The following STAU2 variants were observed in gnomAD, a reference collection of about 807,000 sequenced individuals.
STAU2 encodes the protein staufen double-stranded RNA binding protein 2.
STAU2 carries 20 observed loss-of-function variants against 65.9 expected under a neutral mutation model. The observed-to-expected ratio is 0.30, with a 90% CI of 0.21 to 0.44. The LOEUF is 0.44. Ranked by LOEUF, STAU2 falls within the 20% of genes least tolerant of loss-of-function variation. STAU2 has a pLI of 1.00. For missense variants in STAU2, 558 were observed against 683.9 expected (o/e 0.82, Z 2.05); for synonymous variants, 232 against 233.9 (o/e 0.99, Z 0.07).
chr8:73,602,246 C>T (rs181535879), intron 10 of STAU2, among the ~76,000 whole-genome samples: 20 of 152,290 alleles, frequency 1.3e-4, no homozygotes, highest in Non-Finnish European at 5.9e-5. Flanking sequence ...GGAGGGAAGG[C>T]ACAACTTAGC....
chr8:73,713,337 G>A (rs971424092), intron 3 of STAU2, among the ~76,000 whole-genome samples: 1 of 152,140 alleles, frequency 6.6e-6, no homozygotes, highest in Admixed American at 6.5e-5. Context: ...CACAGCAACT[G>A]TGTTCAAGTC....
At chr8:73,635,952 C>A (rs61414848) in intron 6 of STAU2, among the ~76,000 whole-genome samples, 20,968 of 80,012 alleles carry the variant, frequency 0.26, 1,867 homozygotes, top group Non-Finnish European at 0.34. Context: ...ACACACACAC[C>A]CCTGGAACCA....
intron 3 of STAU2, among the ~76,000 whole-genome samples, chr8:73,727,332 A>C: frequency 6.6e-6 from 1 of 152,226 alleles, no homozygotes; most frequent in Non-Finnish European, 1.5e-5. Context: ...AAACACTGTT[A>C]TGACCCCAAA....
chr8:73,686,298 C>A (rs1483055245), intron 5 of STAU2, among the ~76,000 whole-genome samples: 2 of 152,138 alleles, frequency 1.3e-5, no homozygotes, highest in Non-Finnish European at 2.9e-5. Context: ...CACCTGTAAT[C>A]CCAGCACTTT....
intron 12 of STAU2, among the ~76,000 whole-genome samples, chr8:73,562,482 AAGAT>A (rs1448644493): frequency 1.3e-5 from 2 of 152,204 alleles, no homozygotes; most frequent in African/African-American, 2.4e-5. Flanking sequence ...CTCTTTAAAA[AAGAT>A]AGAGAGAGAG....
At chr8:73,609,417 G>C (rs1812277411) in intron 9 of STAU2, among the ~76,000 whole-genome samples, 1 of 152,232 alleles carries the variant, frequency 6.6e-6, no homozygotes, top group East Asian at 1.9e-4. Flanking sequence ...ACTTTGGGAG[G>C]CCGAGGCAGG....
chr8:73,587,673 AT>A (rs1563441328), intron 11 of STAU2, among the ~76,000 whole-genome samples: 3 of 152,174 alleles, frequency 2.0e-5, no homozygotes, highest in Admixed American at 2.0e-4. Context: ...AGTACATTTA[AT>A]TTTTTTACTT....
intron 6 of STAU2, among the ~76,000 whole-genome samples, chr8:73,659,858 TTAA>T (rs1816696965): frequency 6.6e-6 from 1 of 152,196 alleles, no homozygotes; most frequent in African/African-American, 2.4e-5. Flanking sequence ...GAATTCAGTA[TTAA>T]TCAGATTTAA....
chr8:73,606,953 G>C (rs1020414575), intron 9 of STAU2, among the ~76,000 whole-genome samples: 2 of 151,934 alleles, frequency 1.3e-5, no homozygotes, highest in Non-Finnish European at 2.9e-5. Flanking sequence ...AATTATGCTG[G>C]GTTAAAGAAG....
intron 13 of STAU2, among the ~76,000 whole-genome samples, chr8:73,450,803 T>G (rs1316141912): frequency 1.3e-5 from 2 of 152,064 alleles, no homozygotes; most frequent in African/African-American, 4.8e-5. Flanking sequence ...GTCACACAAG[T>G]GTGTGTGCTG....
chr8:73,646,567 G>C (rs2130176718), intron 6 of STAU2, among the ~76,000 whole-genome samples: 1 of 152,216 alleles, frequency 6.6e-6, no homozygotes, highest in East Asian at 1.9e-4. Flanking sequence ...CATGACACCT[G>C]ATAAAAAGAA....
At chr8:73,579,433 G>A (rs1809825404) in intron 12 of STAU2, among the ~76,000 whole-genome samples, 1 of 152,112 alleles carries the variant, frequency 6.6e-6, no homozygotes, top group Non-Finnish European at 1.5e-5. Context: ...CTATGAACCT[G>A]CTTTTAAGTA....
intron 10 of STAU2, among the ~76,000 whole-genome samples, chr8:73,597,428 T>C (rs1334471742): frequency 6.7e-6 from 1 of 150,202 alleles, no homozygotes; most frequent in Non-Finnish European, 1.5e-5. Context: ...CCAAGGCAGG[T>C]GGATCACTTG....
chr8:73,712,602 T>G (rs181392146), intron 3 of STAU2, among the ~76,000 whole-genome samples: 12 of 152,334 alleles, frequency 7.9e-5, no homozygotes, highest in African/African-American at 2.2e-4. Flanking sequence ...TTTATAAAAC[T>G]AAGTAAAAAT....
intron 13 of STAU2, among the ~76,000 whole-genome samples, chr8:73,515,130 G>T (rs1301734905): frequency 6.6e-6 from 1 of 151,914 alleles, no homozygotes; most frequent in Admixed American, 6.6e-5. Flanking sequence ...ATTTAATAGT[G>T]TGCCATGAAA....
In STAU2 at chr8:73,603,908, C is replaced by T. The variant is rs551302554; in HGVS notation, c.892-45G>A. Reference sequence around the variant, plus strand: ...AAAGTTTTAAAATATGCTTGTGAAACCTGTTATTGAATCCTTAAAGAAACA... The same window carrying T: ...AAAGTTTTAAAATATGCTTGTGAAATCTGTTATTGAATCCTTAAAGAAACA... On this transcript the variant is annotated intron_variant, in intron 9 of 14. Coordinates refer to ENST00000524300, the MANE Select transcript of STAU2 (RefSeq NM_001164380.2). The T allele has an allele frequency of 9.6e-6, 15 of 1,557,050 alleles. No individual in the cohort carries two copies. The African/African-American group carries it at 1.5e-4, about 16-fold the overall frequency.
chr8:73,433,936 G>A (rs1029776783), intron 13 of STAU2, among the ~76,000 whole-genome samples: 12 of 151,968 alleles, frequency 7.9e-5, no homozygotes, highest in Admixed American at 5.2e-4. Flanking sequence ...GGGCAGAATC[G>A]TAGCGCCCCA....
intron 9 of STAU2, among the ~76,000 whole-genome samples, chr8:73,609,376 G>A (rs916734709): frequency 2.0e-5 from 3 of 151,972 alleles, no homozygotes; most frequent in African/African-American, 4.8e-5. Flanking sequence ...ATAAAGGGCC[G>A]GGCGCGGTGG....
intron 12 of STAU2, among the ~76,000 whole-genome samples, chr8:73,557,787 C>A (rs1372248679): frequency 5.3e-5 from 8 of 152,176 alleles, no homozygotes; most frequent in Non-Finnish European, 4.4e-5. Context: ...CCATTATATT[C>A]ATTCACCCTT....
Sources: gnomAD v4.1 joint callset for allele counts (sites outside exome capture counted in the v4.1 genomes callset) on GRCh38, gnomAD v4.1.1 for gene constraint, MANE v1.5 for transcripts, NCBI Gene and HGNC (gene_info 2026-07-23, HGNC 2026-07-21) for gene names.